Variants in PMP22 observed in about 807,000 individuals in gnomAD.
PMP22 encodes peripheral myelin protein 22.
Under a neutral mutation model 18.9 loss-of-function variants are expected in PMP22, and 2 were observed. The ratio of observed to expected loss-of-function variants is 0.11; its 90% confidence interval spans 0.04 to 0.33. The LOEUF is 0.33. PMP22 is among the 10% of genes least tolerant of loss of function. The pLI, the probability that PMP22 is intolerant of heterozygous loss-of-function variation, is 1.00. For missense variants in PMP22, 169 were observed against 202.2 expected (o/e 0.84, Z 1.00); for synonymous variants, 95 against 89.2 (o/e 1.07, Z -0.37).
Position 15,235,345 on chromosome 17 carries a change from T to C in PMP22, c.319+4126A>G, listed in dbSNP as rs1167283967. 5.6e-6 allele frequency: 4 copies of C among 717,196 alleles called. No individual in the cohort carries two copies. In the South Asian group the frequency reaches 5.9e-5, roughly 11 times the overall value. 44.4% of individuals were successfully genotyped at this position (717,196 alleles called of 1,614,324 possible). A position where few individuals can be genotyped will look rare whatever the true frequency, so the allele number is the denominator to read the frequency against. On this transcript the variant is annotated intron_variant, in intron 4 of 4. Transcript: ENST00000312280. ...AATAATAGTTTTATTCAGGCTCCTC[T>C]ATGTGCCCCACATGGAGCTTGATGC...
chr17:15,236,135 GGAAGGA>G (rs1329984934), intron 4 of PMP22, among the ~76,000 whole-genome samples: 2 of 152,026 alleles, frequency 1.3e-5, no homozygotes, highest in Admixed American at 1.3e-4. Flanking sequence ...CTGAACTAAA[GGAAGGA>G]GCCTTTTGAT....
chr17:15,254,739 C>T (rs1243050084), intron 3 of PMP22, among the ~76,000 whole-genome samples: 1 of 152,116 alleles, frequency 6.6e-6, no homozygotes. Context: ...AGGTGGATCA[C>T]CTGAGGTCGG....
chr17:15,230,902 G>A lies in PMP22; in HGVS notation c.*15C>T. On this transcript the variant is annotated 3_prime_UTR_variant, in exon 5 of 5. Coordinates refer to ENST00000312280, the MANE Select transcript of PMP22 (RefSeq NM_000304.4). ...CTATGTACGCTCAGAGCCTCAGACAGACCGTCTGGGCGCCTCATTCGCGTT... is the reference window on the plus strand; with the variant it reads ...CTATGTACGCTCAGAGCCTCAGACAAACCGTCTGGGCGCCTCATTCGCGTT... The A allele has an allele frequency of 6.2e-7, 1 of 1,613,500 alleles. No homozygotes were observed. Among genetic ancestry groups the A allele is most frequent in the Non-Finnish European group, 8.5e-7 (1 of 1,179,850 alleles).
intron 1 of PMP22, 147 bp from the exon 2 acceptor site, chr17:15,260,908 C>A: frequency 2.3e-6 from 1 of 435,026 alleles, no homozygotes; most frequent in South Asian, 4.5e-5. Context: ...GGAGCCTTCG[C>A]GCCGCCTGCC....
intron 1 of PMP22, among the ~76,000 whole-genome samples, chr17:15,264,255 TATAG>T (rs1555569372): frequency 2.0e-5 from 3 of 150,116 alleles, no homozygotes; most frequent in Non-Finnish European, 4.4e-5. Flanking sequence ...GATAGATAGA[TATAG>T]ATAGATAGAT....
rs2150664495 is a variant in PMP22, at chr17:15,230,919, A to G, written c.481T>C (p.Ter161ArgextTer10). ...VIYVILRKRE[*>R] is the part of the protein sequence containing the mutation. ...CTCAGACAGACCGTCTGGGCGCCTC[A>G]TTCGCGTTTCCGCAAGATCACATAG... Residue 161 changes from the stop codon to arginine (R), a stop_lost, in exon 5 of 5, where the codon TGA becomes CGA. Transcript: ENST00000312280. The G allele has an allele frequency of 6.2e-7, 1 of 1,613,952 alleles. No individual in the cohort carries two copies. Among genetic ancestry groups the G allele is most frequent in the Non-Finnish European group, 8.5e-7 (1 of 1,180,026 alleles).
intron 1 of PMP22, among the ~76,000 whole-genome samples, chr17:15,264,101 G>A (rs1000348387): frequency 3.3e-5 from 5 of 152,132 alleles, no homozygotes; most frequent in Non-Finnish European, 5.9e-5. Flanking sequence ...AACATAATAA[G>A]GGCCCAGTGC....
chr17:15,255,490 G>T (rs190276845), intron 3 of PMP22, among the ~76,000 whole-genome samples: 4 of 152,004 alleles, frequency 2.6e-5, no homozygotes. Flanking sequence ...AGATGGCAAA[G>T]AAATGAGCTA....
intron 3 of PMP22, among the ~76,000 whole-genome samples, chr17:15,257,909 T>G (rs1443897170): frequency 6.6e-6 from 1 of 152,216 alleles, no homozygotes; most frequent in Non-Finnish European, 1.5e-5. Flanking sequence ...CTATTTGTAC[T>G]GTGGTTCAAG....
At chr17:15,260,500 G>A in intron 2 of PMP22, 150 bp downstream of exon 2, 1 of 724,470 alleles carries the variant, frequency 1.4e-6, no homozygotes, top group South Asian at 1.5e-5. Flanking sequence ...AAAGCAACTG[G>A]AAGGGGGCAG....
Position 15,259,208 on chromosome 17 carries a change from A to G in PMP22, c.79-15T>C. 1 of 1,593,726 alleles carries G rather than the reference A, an allele frequency of 6.3e-7. No homozygotes were observed. The highest frequency in any genetic ancestry group is 2.2e-5 in the East Asian group (1 of 44,768). On this transcript the variant is annotated splice_polypyrimidine_tract_variant and intron_variant, in intron 2 of 4. Transcript: ENST00000312280. ...ACGATCCATTGCTAGAGAGAATCAGATAGATATCCTGAGTCAGGGAGGGAG... is the reference window on the plus strand; with the variant it reads ...ACGATCCATTGCTAGAGAGAATCAGGTAGATATCCTGAGTCAGGGAGGGAG...
intron 4 of PMP22, among the ~76,000 whole-genome samples, chr17:15,238,872 A>G (rs544928773): frequency 2.5e-4 from 38 of 152,326 alleles, no homozygotes; most frequent in South Asian, 1.0e-3. Flanking sequence ...TCATAGCCCC[A>G]TGTTTGGAAA....
chr17:15,247,441 A>G (rs1907935825), intron 3 of PMP22, among the ~76,000 whole-genome samples: 1 of 152,208 alleles, frequency 6.6e-6, no homozygotes, highest in Non-Finnish European at 1.5e-5. Flanking sequence ...CCGGTATAAG[A>G]GCTGCTGACA....
chr17:15,260,650 G>A lies in PMP22; in HGVS notation c.78C>T (p.Ser26=). ...LVLLFVSTIV[S]QWIVGNGHAT... ...GGGAGCCTCCCCGCCAGGCACTCAC[G>A]CTGACGATCGTGGAGACGAACAGCA... Residue 26 remains serine, a splice_region_variant and synonymous_variant, in exon 2 of 5, where the codon AGC becomes AGT. Coordinates refer to ENST00000312280, the MANE Select transcript of PMP22 (RefSeq NM_000304.4). 6.4e-7 allele frequency: 1 copy of A among 1,551,766 alleles called. No individual in the cohort carries two copies.
At position 15,254,516 on chromosome 17, in the gene PMP22, G is replaced by A. The variant is rs1040186138; in HGVS notation, c.178+4578C>T. On this transcript the variant is annotated intron_variant, in intron 3 of 4. Coordinates refer to ENST00000312280, the MANE Select transcript of PMP22 (RefSeq NM_000304.4). ...AGCATTCACTAAAATACTAGAAAGTGACAGAGGGGTTGAATTGGCAGAGGA... is the reference window on the plus strand; with the variant it reads ...AGCATTCACTAAAATACTAGAAAGTAACAGAGGGGTTGAATTGGCAGAGGA... Among the ~76,000 whole-genome samples, 8 of 152,312 alleles carry A rather than the reference G, an allele frequency of 5.3e-5. No individual in the cohort carries two copies. In the South Asian group the frequency reaches 8.3e-4, roughly 16 times the overall value.
intron 4 of PMP22, chr17:15,235,393 T>C (rs1057070741): frequency 7.1e-6 from 5 of 703,126 alleles, no homozygotes; most frequent in Non-Finnish European, 1.3e-5. Context: ...GTAAAATAAA[T>C]CAAAACGTGC....
At chr17:15,260,427 T>C in intron 2 of PMP22, 1 of 611,220 alleles carries the variant, frequency 1.6e-6, no homozygotes, top group South Asian at 1.8e-5. Flanking sequence ...AATAGAGACC[T>C]GCGCAGCTAA....
chr17:15,239,354 C>T, intron 4 of PMP22, 117 bp downstream of exon 4: 2 of 1,171,222 alleles, frequency 1.7e-6, no homozygotes, highest in South Asian at 1.2e-5. Flanking sequence ...GGAAAGCATC[C>T]AGTGGGGAGA....
chr17:15,264,378 A>C (rs1909573968), intron 1 of PMP22, among the ~76,000 whole-genome samples: 1 of 152,222 alleles, frequency 6.6e-6, no homozygotes, highest in African/African-American at 2.4e-5. Context: ...TGCTCTAGAA[A>C]TTATTACTTT....
Sources: gnomAD v4.1 joint callset for allele counts (sites outside exome capture counted in the v4.1 genomes callset) on GRCh38, gnomAD v4.1.1 for gene constraint, MANE v1.5 for transcripts, NCBI Gene and HGNC (gene_info 2026-07-23, HGNC 2026-07-21) for gene names.